Variants in STEAP1B observed in about 807,000 individuals in gnomAD.
STEAP1B encodes the protein STEAP family member 1B, also known as STEAP family protein MGC87042.
In STEAP1B, 13 loss-of-function variants were observed where a neutral mutation model predicts 27.9. That is an observed-to-expected ratio of 0.47 (90% CI 0.30 to 0.74). The LOEUF (loss-of-function observed/expected upper bound fraction) is 0.74, where lower values mean the gene tolerates loss of function less well. Ranked by LOEUF, STEAP1B falls within the 30% of genes least tolerant of loss-of-function variation. The probability of loss-of-function intolerance (pLI) is 0.06; values close to 1 mark genes in which losing one functional copy is unlikely to be tolerated. For synonymous variants in STEAP1B, 86 were observed against 107.1 expected (o/e 0.80, Z 1.22); for missense variants, 250 against 298.7 (o/e 0.84, Z 1.20).
In STEAP1B at chr7:22,450,215, A is replaced by C. The variant is rs540031819; in HGVS notation, c.763-30379T>G. On this transcript the variant is annotated intron_variant, in intron 4 of 4. Coordinates refer to ENST00000678116, the MANE Select transcript of STEAP1B (RefSeq NM_001382447.1). Reference sequence around the variant, plus strand: ...TCAAGTGCTTGTGGAGTATCACTCAAGTGCTTGTGGAGTATTACTCAAGAA... The same window carrying C: ...TCAAGTGCTTGTGGAGTATCACTCACGTGCTTGTGGAGTATTACTCAAGAA... Among the ~76,000 whole-genome samples, 9 of 152,242 alleles carry C rather than the reference A, an allele frequency of 5.9e-5. No individual in the cohort carries two copies. In the South Asian group the frequency reaches 1.9e-3, roughly 32 times the overall value.
At chr7:22,491,707 C>A (rs1193701047) in intron 4 of STEAP1B, among the ~76,000 whole-genome samples, 1 of 151,974 alleles carries the variant, frequency 6.6e-6, no homozygotes, top group East Asian at 1.9e-4. Context: ...GTTGATTAGA[C>A]CAGAAGAATC....
chr7:22,485,159 A>G (rs1786180474), intron 4 of STEAP1B, among the ~76,000 whole-genome samples: 1 of 152,264 alleles, frequency 6.6e-6, no homozygotes, highest in Admixed American at 6.5e-5. Flanking sequence ...CAATTCTTAA[A>G]GAAATTCTAC....
At chr7:22,476,179 T>C (rs578189162) in intron 4 of STEAP1B, among the ~76,000 whole-genome samples, 33 of 152,308 alleles carry the variant, frequency 2.2e-4, no homozygotes. Context: ...CAAACCCCGT[T>C]GTATTACTTC....
chr7:22,490,657 C>T (rs1786306060), intron 4 of STEAP1B, among the ~76,000 whole-genome samples: 1 of 152,172 alleles, frequency 6.6e-6, no homozygotes. Context: ...AAGCGTCTTA[C>T]ATATTTGGTA....
rs180754403 is a variant in STEAP1B at position 22,459,609 on chromosome 7, T to C, written c.762+32956A>G. Among the ~76,000 whole-genome samples, 444 of 152,378 alleles carry C rather than the reference T, an allele frequency of 2.9e-3. 9 individuals carry two copies. Among genetic ancestry groups the C allele is most frequent in the Non-Finnish European group, 3.2e-4 (22 of 68,044 alleles). ...ATGATTTCTGTATTTTCCCTGTTTA[T>C]GACAGTTTCCATATCCTCTCCTCCT... On this transcript the variant is annotated intron_variant, in intron 4 of 4. Coordinates refer to ENST00000678116, the MANE Select transcript of STEAP1B (RefSeq NM_001382447.1).
chr7:22,495,934 G>A (rs965850470), intron 1 of STEAP1B, among the ~76,000 whole-genome samples: 3 of 152,130 alleles, frequency 2.0e-5, no homozygotes, highest in Admixed American at 6.5e-5. Flanking sequence ...TTATTATTGT[G>A]AAGTGTACTC....
At chr7:22,458,622 CAGAT>C (rs1253600111) in intron 4 of STEAP1B, among the ~76,000 whole-genome samples, 1 of 152,204 alleles carries the variant, frequency 6.6e-6, no homozygotes, top group African/African-American at 2.4e-5. Context: ...AGGCCATAGA[CAGAT>C]GGAGGGAAAG....
chr7:22,427,592 C>T (rs766067256), intron 4 of STEAP1B, among the ~76,000 whole-genome samples: 14 of 152,154 alleles, frequency 9.2e-5, no homozygotes, highest in Non-Finnish European at 1.9e-4. Flanking sequence ...AAAAGAAAAT[C>T]TAAAGCCGTA....
chr7:22,454,865 A>ATTTT (rs367804282), intron 4 of STEAP1B, among the ~76,000 whole-genome samples: 1 of 126,162 alleles, frequency 7.9e-6, no homozygotes, highest in Non-Finnish European at 1.6e-5. Context: ...ATATATATAT[A>ATTTT]TTTTTTTTTT....
At chr7:22,423,899 C>T (rs1359030469) in intron 4 of STEAP1B, among the ~76,000 whole-genome samples, 3 of 152,118 alleles carry the variant, frequency 2.0e-5, no homozygotes, top group Middle Eastern at 3.4e-3. Context: ...TGTGGTGGCA[C>T]GCACCTGTAG....
At chr7:22,490,553 T>C (rs1364352874) in intron 4 of STEAP1B, among the ~76,000 whole-genome samples, 1 of 152,250 alleles carries the variant, frequency 6.6e-6, no homozygotes, top group Non-Finnish European at 1.5e-5. Context: ...TCTTGGAACA[T>C]GCATACTATT....
At chr7:22,455,920 G>T (rs982877892) in intron 4 of STEAP1B, among the ~76,000 whole-genome samples, 1 of 152,198 alleles carries the variant, frequency 6.6e-6, no homozygotes, top group Admixed American at 6.5e-5. Flanking sequence ...GGCCGAGGAG[G>T]GCAGATCATG....
chr7:22,471,108 T>A (rs1007468750), intron 4 of STEAP1B, among the ~76,000 whole-genome samples: 5 of 152,190 alleles, frequency 3.3e-5, no homozygotes, highest in African/African-American at 1.2e-4. Context: ...CAGCATTTCC[T>A]ACGGAGTGCA....
At chr7:22,420,588 T>G (rs1056026200) in intron 4 of STEAP1B, among the ~76,000 whole-genome samples, 38 of 152,354 alleles carry the variant, frequency 2.5e-4, no homozygotes, top group African/African-American at 8.7e-4. Flanking sequence ...TATTAAAACT[T>G]TCCCGGCATA....
chr7:22,449,093 G>A (rs1010597278), intron 4 of STEAP1B, among the ~76,000 whole-genome samples: 1 of 143,358 alleles, frequency 7.0e-6, no homozygotes, highest in African/African-American at 2.7e-5. Context: ...ATCACATAAT[G>A]GAGAATGGGG....
Position 22,433,325 on chromosome 7 carries a change from G to T in STEAP1B, c.763-13489C>A, listed in dbSNP as rs1413351394. Among the ~76,000 whole-genome samples, 4 of 121,866 alleles carry T rather than the reference G, an allele frequency of 3.3e-5. No individual in the cohort carries two copies. The East Asian group carries it at 1.0e-3, about 30-fold the overall frequency. The allele number at this position is 121,866 out of a possible 152,430, so 79.9% of individuals were successfully genotyped here. On this transcript the variant is annotated intron_variant, in intron 4 of 4. Transcript: ENST00000678116. ...CATAATGACTCATTGTAACCCCAGGGAGAGAGGATTTTCCTGCTCACAAAA... is the reference window on the plus strand; with the variant it reads ...CATAATGACTCATTGTAACCCCAGGTAGAGAGGATTTTCCTGCTCACAAAA...
intron 4 of STEAP1B, among the ~76,000 whole-genome samples, chr7:22,430,508 T>A (rs537036239): frequency 5.9e-5 from 9 of 152,368 alleles, no homozygotes; most frequent in Admixed American, 5.9e-4. Flanking sequence ...CTTGGACTGT[T>A]GGACTCCCAG....
chr7:22,430,144 A>C (rs1401845335), intron 4 of STEAP1B, among the ~76,000 whole-genome samples: 4 of 152,200 alleles, frequency 2.6e-5, no homozygotes, highest in Non-Finnish European at 4.4e-5. Flanking sequence ...TTTTTTGTGA[A>C]TATTGTATTT....
chr7:22,441,992 G>T (rs149366261), intron 4 of STEAP1B, among the ~76,000 whole-genome samples: 4 of 152,174 alleles, frequency 2.6e-5, no homozygotes, highest in Admixed American at 1.3e-4. Flanking sequence ...TAGACCATGG[G>T]ATTTGGGTGG....
Sources: gnomAD v4.1 joint callset for allele counts (sites outside exome capture counted in the v4.1 genomes callset) on GRCh38, gnomAD v4.1.1 for gene constraint, MANE v1.5 for transcripts, NCBI Gene and HGNC (gene_info 2026-07-23, HGNC 2026-07-21) for gene names.